Variants in C15orf62 observed in about 807,000 individuals in gnomAD.
The protein encoded by C15orf62 is chromosome 15 open reading frame 62.
A neutral mutation model predicts 13.2 loss-of-function variants in C15orf62; 11 were observed. The observed-to-expected ratio is 0.83, with a 90% CI of 0.52 to 1.38. The LOEUF (loss-of-function observed/expected upper bound fraction) is 1.38. C15orf62 is among the 40% of genes most tolerant of loss of function. The probability of loss-of-function intolerance (pLI) is 0.00; values close to 1 mark genes in which losing one functional copy is unlikely to be tolerated. For synonymous variants in C15orf62, 88 were observed against 95.6 expected (o/e 0.92, Z 0.46); for missense variants, 204 against 229.1 (o/e 0.89, Z 0.71).
chr15:40,771,694 T>C lies in C15orf62; in HGVS notation c.*671T>C, dbSNP rs1889145599. ...ATTCCAAATGCCCGGTGGCCACACA[T>C]GATTAATGGCTACCACACTGGTCAG... On this transcript the variant is annotated 3_prime_UTR_variant, in exon 1 of 1. Coordinates refer to ENST00000344320, the MANE Select transcript of C15orf62 (RefSeq NM_001130448.3). 1 of 170,260 alleles carries C rather than the reference T, an allele frequency of 5.9e-6. No homozygotes were observed. The highest frequency in any genetic ancestry group is 2.4e-5 in the African/African-American group (1 of 41,470). The allele number at this position is 170,260 out of a possible 1,614,324, so 10.5% of individuals were successfully genotyped here.
Position 40,770,250 on chromosome 15 carries a change from C to T in C15orf62, c.-246C>T, listed in dbSNP as rs1889090366. The T allele has an allele frequency of 7.2e-6, 4 of 555,288 alleles. No individual in the cohort carries two copies. The East Asian group carries it at 1.2e-4, about 17-fold the overall frequency. The allele number at this position is 555,288 out of a possible 1,614,324, so 34.4% of individuals were successfully genotyped here. The stretch of plus-strand genomic sequence containing the variant: ...ACCCTATTCAGTAACCAGGCCACTC[C>T]TGTCCCTGTGGGAAACTCTTGCTGC... On this transcript the variant is annotated 5_prime_UTR_variant, in exon 1 of 1. Coordinates refer to ENST00000344320, the MANE Select transcript of C15orf62 (RefSeq NM_001130448.3). This position sits in a 1 kb window ranked among gnomAD's most constrained non-coding sequence, Gnocchi z 5.0.
Position 40,771,342 on chromosome 15 carries a change from C to T in C15orf62, c.*319C>T, listed in dbSNP as rs867357735. On this transcript the variant is annotated 3_prime_UTR_variant, in exon 1 of 1. Transcript: ENST00000344320. ...TGTGCCGGGAAAGGGAGGCTCTGTG[C>T]GGCACTACAGGAACCAGGTAGAGGC... 2 of 399,266 alleles carry T rather than the reference C, an allele frequency of 5.0e-6. No individual in the cohort carries two copies. Among genetic ancestry groups the T allele is most frequent in the African/African-American group, 2.0e-5 (1 of 48,814 alleles). 24.7% of individuals were successfully genotyped at this position (399,266 alleles called of 1,614,324 possible).
At position 40,770,244 on chromosome 15, in the gene C15orf62, C is replaced by T. The variant is rs1376616753; in HGVS notation, c.-252C>T. 3.7e-6 allele frequency: 2 copies of T among 537,838 alleles called. No individual in the cohort carries two copies. The highest frequency in any genetic ancestry group is 3.8e-5 in the African/African-American group (2 of 52,748). 33.3% of individuals were successfully genotyped at this position (537,838 alleles called of 1,614,324 possible). A position where few individuals can be genotyped will look rare whatever the true frequency, so the allele number is the denominator to read the frequency against. ...TCCACTACCCTATTCAGTAACCAGGCCACTCCTGTCCCTGTGGGAAACTCT... is the reference window on the plus strand; with the variant it reads ...TCCACTACCCTATTCAGTAACCAGGTCACTCCTGTCCCTGTGGGAAACTCT... On this transcript the variant is annotated 5_prime_UTR_variant, in exon 1 of 1. Coordinates refer to ENST00000344320, the MANE Select transcript of C15orf62 (RefSeq NM_001130448.3). This position sits in a 1 kb window ranked among gnomAD's most constrained non-coding sequence, Gnocchi z 5.0.
Position 40,771,103 on chromosome 15 carries a change from C to T in C15orf62, c.*80C>T, listed in dbSNP as rs1889126735. On this transcript the variant is annotated 3_prime_UTR_variant, in exon 1 of 1. Transcript: ENST00000344320. ...TAAGGAAAGGACAGGGACAGGACTC[C>T]AGGCCCATCGCTGGAGGGTTCAGGC... The T allele has an allele frequency of 7.5e-7, 1 of 1,339,536 alleles. No individual in the cohort carries two copies. The allele number at this position is 1,339,536 out of a possible 1,614,324, so 83.0% of individuals were successfully genotyped here. A position where few individuals can be genotyped will look rare whatever the true frequency, so the allele number is the denominator to read the frequency against.
rs1301812507 is a variant in C15orf62, at chr15:40,770,462, C to G, written c.-34C>G. On this transcript the variant is annotated 5_prime_UTR_variant, in exon 1 of 1. Transcript: ENST00000344320. The surrounding 1 kb of genome is among the most constrained non-coding windows in gnomAD (Gnocchi z 5.0). ...AGGGACCACATGCACCCTGGCTGCT[C>G]CTGAACACCTGTCTGCTGGCTCCCC... The G allele has an allele frequency of 6.6e-7, 1 of 1,525,728 alleles. No individual in the cohort carries two copies. The highest frequency in any genetic ancestry group is 2.4e-5 in the East Asian group (1 of 40,830). The allele number at this position is 1,525,728 out of a possible 1,614,324, so 94.5% of individuals were successfully genotyped here.
In C15orf62 at chr15:40,771,955, C is replaced by T. The variant is rs1889154512; in HGVS notation, c.*932C>T. ...AGCAATCCCTGGTGAAGGAAGGCAG[C>T]TCTAGAGAATGCCAGCCACAGGCAC... On this transcript the variant is annotated 3_prime_UTR_variant, in exon 1 of 1. Coordinates refer to ENST00000344320, the MANE Select transcript of C15orf62 (RefSeq NM_001130448.3). The T allele has an allele frequency of 6.0e-6, 1 of 167,068 alleles. No individual in the cohort carries two copies. The highest frequency in any genetic ancestry group is 1.5e-5 in the Non-Finnish European group (1 of 68,142). The allele number at this position is 167,068 out of a possible 1,614,324, so 10.3% of individuals were successfully genotyped here. A position where few individuals can be genotyped will look rare whatever the true frequency, so the allele number is the denominator to read the frequency against.
Position 40,771,203 on chromosome 15 carries a change from A to G in C15orf62, c.*180A>G, listed in dbSNP as rs1019853176. On this transcript the variant is annotated 3_prime_UTR_variant, in exon 1 of 1. Transcript: ENST00000344320. ...GCTCTGCCTGCTCTCTGGGTCCTGG[A>G]CAGTCCTTCCAGGCACCCCAGAGTG... is the stretch of plus-strand genomic sequence containing the variant. The G allele has an allele frequency of 4.5e-6, 3 of 661,476 alleles. No homozygotes were observed. The highest frequency in any genetic ancestry group is 3.7e-5 in the African/African-American group (2 of 54,650). 41.0% of individuals were successfully genotyped at this position (661,476 alleles called of 1,614,324 possible).
Position 40,770,808 on chromosome 15 carries a change from G to T in C15orf62, c.313G>T (p.Ala105Ser). 6.5e-7 allele frequency: 1 copy of T among 1,550,154 alleles called. No homozygotes were observed. Reference sequence around the variant, plus strand: ...GGAGCCCCCACCTGCCTACACAGCAGCCTACTCTGCCACCCTGCCATCGGC... The same window carrying T: ...GGAGCCCCCACCTGCCTACACAGCATCCTACTCTGCCACCCTGCCATCGGC... The part of the protein sequence containing the change: ...ILEPPPAYTA[A>S]YSATLPSALS... Residue 105 changes from alanine (A) to serine (S), a missense_variant, in exon 1 of 1, where the codon GCC (alanine) becomes TCC (serine). Ala to Ser is a moderately conservative substitution (Grantham distance 99). Coordinates refer to ENST00000344320, the MANE Select transcript of C15orf62 (RefSeq NM_001130448.3). This position sits in a 1 kb window ranked among gnomAD's most constrained non-coding sequence, Gnocchi z 5.0.
rs762927380 is a variant in C15orf62, at chr15:40,771,116, G to A, written c.*93G>A. On this transcript the variant is annotated 3_prime_UTR_variant, in exon 1 of 1. Transcript: ENST00000344320. The stretch of plus-strand genomic sequence containing the variant: ...GGGACAGGACTCCAGGCCCATCGCT[G>A]GAGGGTTCAGGCAGGCAGAGCTTCT... 1.6e-5 allele frequency: 19 copies of A among 1,196,952 alleles called. No homozygotes were observed. The highest frequency in any genetic ancestry group is 2.2e-5 in the Non-Finnish European group (19 of 854,348). The allele number at this position is 1,196,952 out of a possible 1,614,324, so 74.1% of individuals were successfully genotyped here.
In C15orf62 at chr15:40,770,875, G is replaced by A. The variant is rs1889118228; in HGVS notation, c.380G>A (p.Gly127Asp). The A allele has an allele frequency of 1.3e-6, 2 of 1,551,534 alleles. No individual in the cohort carries two copies. The highest frequency in any genetic ancestry group is 1.4e-5 in the African/African-American group (1 of 73,176). Residue 127 changes from glycine to aspartate, a missense_variant, in exon 1 of 1, where the codon GGC becomes GAC. Transcript: ENST00000344320. This position sits in a 1 kb window ranked among gnomAD's most constrained non-coding sequence, Gnocchi z 5.0. ...GCCCTCCACCAGCACTCAGAGAAGGGCCTTGTGGACACTCCCTGCTTCCAG... is the reference window on the plus strand; with the variant it reads ...GCCCTCCACCAGCACTCAGAGAAGGACCTTGTGGACACTCCCTGCTTCCAG... ...SSALHQHSEK[G>D]LVDTPCFQRT...
In C15orf62 at chr15:40,770,763, T is replaced by A; in HGVS notation, c.268T>A (p.Ser90Thr). Reference sequence around the variant, plus strand: ...GCCCCCACGCCTCTACCGAGAGAGCTCAAGCTGCCCCAACATCCTGGAGCC... The same window carrying A: ...GCCCCCACGCCTCTACCGAGAGAGCACAAGCTGCCCCAACATCCTGGAGCC... ...PKPPRLYRESSSCPNILEPPP... is the reference protein window; with the variant it reads ...PKPPRLYRESTSCPNILEPPP... The change falls in exon 1 of 1, where the codon TCA (serine) becomes ACA (threonine). Residue 90 changes from serine (S) to threonine (T), a missense_variant. Coordinates refer to ENST00000344320, the MANE Select transcript of C15orf62 (RefSeq NM_001130448.3). The surrounding 1 kb of genome is among the most constrained non-coding windows in gnomAD (Gnocchi z 5.0). 1 of 1,544,882 alleles carries A rather than the reference T, an allele frequency of 6.5e-7. No individual in the cohort carries two copies. Among genetic ancestry groups the A allele is most frequent in the Non-Finnish European group, 8.7e-7 (1 of 1,146,564 alleles).
Position 40,770,881 on chromosome 15 carries a change from T to TGGACACTCCCTGCTTCCAGA in C15orf62, c.393_412dup (p.Pro138LeufsTer35). The stretch of plus-strand genomic sequence containing the variant: ...CACCAGCACTCAGAGAAGGGCCTTG[T>TGGACACTCCCTGCTTCCAGA]GGACACTCCCTGCTTCCAGAGGACA... On this transcript the variant is annotated frameshift_variant, in exon 1 of 1. Transcript: ENST00000344320. LOFTEE classifies it high-confidence loss of function. This position sits in a 1 kb window ranked among gnomAD's most constrained non-coding sequence, Gnocchi z 5.0. The TGGACACTCCCTGCTTCCAGA allele has an allele frequency of 6.4e-7, 1 of 1,551,560 alleles. No homozygotes were observed. Among genetic ancestry groups the TGGACACTCCCTGCTTCCAGA allele is most frequent in the Non-Finnish European group, 8.7e-7 (1 of 1,147,010 alleles).
At position 40,770,834 on chromosome 15, in the gene C15orf62, GCT is replaced by G. The variant is rs1467569262; in HGVS notation, c.346_347del (p.Leu116ValfsTer28). The G allele has an allele frequency of 3.2e-6, 5 of 1,551,218 alleles. No homozygotes were observed. Among genetic ancestry groups the G allele is most frequent in the Admixed American group, 2.0e-5 (1 of 50,998 alleles). On this transcript the variant is annotated frameshift_variant, in exon 1 of 1. Transcript: ENST00000344320. LOFTEE classifies it high-confidence loss of function. This position sits in a 1 kb window ranked among gnomAD's most constrained non-coding sequence, Gnocchi z 5.0. ...AAYSATLPSA[L>X]SLSSALHQHS... ...CCTACTCTGCCACCCTGCCATCGGC[GCT>G]CTCTCTGTCGAGTGCCCTCCACCAG...
In C15orf62 at chr15:40,770,451, C is replaced by A; in HGVS notation, c.-45C>A. The A allele has an allele frequency of 1.3e-6, 2 of 1,512,390 alleles. No individual in the cohort carries two copies. The highest frequency in any genetic ancestry group is 1.8e-6 in the Non-Finnish European group (2 of 1,129,656). The allele number at this position is 1,512,390 out of a possible 1,614,324, so 93.7% of individuals were successfully genotyped here. A position where few individuals can be genotyped will look rare whatever the true frequency, so the allele number is the denominator to read the frequency against. The stretch of plus-strand genomic sequence containing the variant: ...ACTGCCCCAGCAGGGACCACATGCA[C>A]CCTGGCTGCTCCTGAACACCTGTCT... On this transcript the variant is annotated 5_prime_UTR_variant, in exon 1 of 1. Transcript: ENST00000344320. This position sits in a 1 kb window ranked among gnomAD's most constrained non-coding sequence, Gnocchi z 5.0.
Position 40,770,661 on chromosome 15 carries a change from C to G in C15orf62, c.166C>G (p.Gln56Glu). The G allele has an allele frequency of 6.5e-7, 1 of 1,549,692 alleles. No homozygotes were observed. Among genetic ancestry groups the G allele is most frequent in the Non-Finnish European group, 8.7e-7 (1 of 1,146,960 alleles). The change falls in exon 1 of 1, where the codon CAA becomes GAA. Residue 56 changes from glutamine to glutamate, a missense_variant. Physicochemically the swap from Gln to Glu is conservative, Grantham distance 29. Coordinates refer to ENST00000344320, the MANE Select transcript of C15orf62 (RefSeq NM_001130448.3). This position sits in a 1 kb window ranked among gnomAD's most constrained non-coding sequence, Gnocchi z 5.0. Reference protein sequence around the residue: ...YSNREVIRELQGRPDGRRLPL... With the variant: ...YSNREVIRELEGRPDGRRLPL... ...CAACCGAGAAGTCATCCGGGAGCTA[C>G]AAGGGAGGCCAGATGGCCGGCGCCT...
In C15orf62 at chr15:40,770,219, T is replaced by C. The variant is rs1339456879; in HGVS notation, c.-277T>C. 5 of 385,384 alleles carry C rather than the reference T, an allele frequency of 1.3e-5. No individual in the cohort carries two copies. 23.9% of individuals were successfully genotyped at this position (385,384 alleles called of 1,614,324 possible). ...GCTGCTTCTTCCTCCTGGGTTTTTTTCCACTACCCTATTCAGTAACCAGGC... is the reference window on the plus strand; with the variant it reads ...GCTGCTTCTTCCTCCTGGGTTTTTTCCCACTACCCTATTCAGTAACCAGGC... On this transcript the variant is annotated 5_prime_UTR_variant, in exon 1 of 1. Transcript: ENST00000344320. This position sits in a 1 kb window ranked among gnomAD's most constrained non-coding sequence, Gnocchi z 5.0.
chr15:40,770,160 C>A lies in C15orf62; in HGVS notation c.-336C>A. ...GCCCGAGAAGGTCCACCTCTGCCTC[C>A]GCCGGAGCTGCCCTCATTCTGGCTC... On this transcript the variant is annotated 5_prime_UTR_variant, in exon 1 of 1. Transcript: ENST00000344320. This position sits in a 1 kb window ranked among gnomAD's most constrained non-coding sequence, Gnocchi z 5.0. 1 of 261,276 alleles carries A rather than the reference C, an allele frequency of 3.8e-6. No homozygotes were observed. The highest frequency in any genetic ancestry group is 6.6e-5 in the South Asian group (1 of 15,120). 16.2% of individuals were successfully genotyped at this position (261,276 alleles called of 1,614,324 possible). A position where few individuals can be genotyped will look rare whatever the true frequency, so the allele number is the denominator to read the frequency against.
chr15:40,770,517 T>G lies in C15orf62; in HGVS notation c.22T>G (p.Ser8Ala), dbSNP rs1448299632. 3 of 1,550,136 alleles carry G rather than the reference T, an allele frequency of 1.9e-6. No homozygotes were observed. The highest frequency in any genetic ancestry group is 2.6e-6 in the Non-Finnish European group (3 of 1,146,832). The part of the protein sequence containing the change: METWRKG[S>A]FRNASFFKQL... Reference sequence around the variant, plus strand: ...CCCCATGGAGACCTGGCGGAAAGGCTCCTTCCGCAACGCCTCCTTCTTCAA... The same window carrying G: ...CCCCATGGAGACCTGGCGGAAAGGCGCCTTCCGCAACGCCTCCTTCTTCAA... Residue 8 changes from serine to alanine, a missense_variant, in exon 1 of 1, where the codon TCC (serine) becomes GCC (alanine). Transcript: ENST00000344320. This position sits in a 1 kb window ranked among gnomAD's most constrained non-coding sequence, Gnocchi z 5.0.
chr15:40,772,004 T>G lies in C15orf62; in HGVS notation c.*981T>G, dbSNP rs1454692528. 1.2e-5 allele frequency: 2 copies of G among 167,020 alleles called. No homozygotes were observed. Among genetic ancestry groups the G allele is most frequent in the African/African-American group, 4.8e-5 (2 of 41,444 alleles). The allele number at this position is 167,020 out of a possible 1,614,324, so 10.3% of individuals were successfully genotyped here. A position where few individuals can be genotyped will look rare whatever the true frequency, so the allele number is the denominator to read the frequency against. Reference sequence around the variant, plus strand: ...ACGCGCACGGCTTGCAAAGGGGTACTTTGGGGAATTCCCAGAATTACTAGT... The same window carrying G: ...ACGCGCACGGCTTGCAAAGGGGTACGTTGGGGAATTCCCAGAATTACTAGT... On this transcript the variant is annotated 3_prime_UTR_variant, in exon 1 of 1. Coordinates refer to ENST00000344320, the MANE Select transcript of C15orf62 (RefSeq NM_001130448.3).
Sources: gnomAD v4.1 joint callset for allele counts on GRCh38, gnomAD v4.1.1 for gene constraint, Gnocchi (gnomAD v3.1) non-coding constraint, MANE v1.5 for transcripts, NCBI Gene and HGNC (gene_info 2026-07-23, HGNC 2026-07-21) for gene names.